Variants in GRIN2B observed in about 807,000 individuals in gnomAD.
The protein encoded by GRIN2B is glutamate ionotropic receptor NMDA type subunit 2B.
A neutral mutation model predicts 114.5 loss-of-function variants in GRIN2B; 5 were observed. That is an observed-to-expected ratio of 0.04 (90% CI 0.02 to 0.09). The LOEUF (loss-of-function observed/expected upper bound fraction) is 0.09. Among genes scored for constraint, GRIN2B ranks in the 10% least tolerant of loss-of-function variants. The probability of loss-of-function intolerance (pLI) is 1.00; values close to 1 mark genes in which losing one functional copy is unlikely to be tolerated. For missense variants in GRIN2B, 1,108 were observed against 1,943.5 expected, an observed-to-expected ratio of 0.57 and a Z score of 8.08; for synonymous variants, 787 against 745.1, an observed-to-expected ratio of 1.06 and a Z score of -0.92.
At chr12:13,951,126 A>C (rs1867471041) in intron 2 of GRIN2B, among the ~76,000 whole-genome samples, 2 of 152,310 alleles carry the variant, frequency 1.3e-5, no homozygotes, top group Admixed American at 6.5e-5. Context: ...GATAAATATC[A>C]AATACTTTTA....
chr12:13,642,737 A>C (rs1360276617), intron 5 of GRIN2B, among the ~76,000 whole-genome samples: 1 of 152,132 alleles, frequency 6.6e-6, no homozygotes, highest in Non-Finnish European at 1.5e-5. Flanking sequence ...AGATACTCTG[A>C]TAACTGTTAT....
intron 2 of GRIN2B, among the ~76,000 whole-genome samples, chr12:13,935,583 G>T (rs1056011866): frequency 1.3e-5 from 2 of 152,140 alleles, no homozygotes; most frequent in African/African-American, 4.8e-5. Context: ...GAGTTACTTA[G>T]CCCCTTATGC....
At chr12:13,803,299 T>C (rs1390127141) in intron 3 of GRIN2B, among the ~76,000 whole-genome samples, 2 of 152,062 alleles carry the variant, frequency 1.3e-5, no homozygotes, top group Non-Finnish European at 2.9e-5. Context: ...GGGAGGTTGG[T>C]TCCCCTAACC....
At chr12:13,941,622 A>T (rs991768784) in intron 2 of GRIN2B, among the ~76,000 whole-genome samples, 1 of 152,186 alleles carries the variant, frequency 6.6e-6, no homozygotes, top group Admixed American at 6.5e-5. Context: ...GCTGAGGTAG[A>T]TCGGCATAAA....
In GRIN2B at chr12:13,938,632, G is replaced by A. The variant is rs542174376; in HGVS notation, c.-19+41296C>T. On this transcript the variant is annotated intron_variant, in intron 2 of 13. Coordinates refer to ENST00000609686, the MANE Select transcript of GRIN2B (RefSeq NM_000834.5). ...TAAGCAAAAAAAGCTAGATTCAAAAGATTACATAGTGTGTAATTCCATTTA... is the reference window on the plus strand; with the variant it reads ...TAAGCAAAAAAAGCTAGATTCAAAAAATTACATAGTGTGTAATTCCATTTA... Among the ~76,000 whole-genome samples, 8 of 152,308 alleles carry A rather than the reference G, an allele frequency of 5.3e-5. No individual in the cohort carries two copies. The South Asian group carries it at 1.4e-3, about 28-fold the overall frequency.
intron 3 of GRIN2B, among the ~76,000 whole-genome samples, chr12:13,804,178 GAT>G: frequency 6.8e-6 from 1 of 147,250 alleles, no homozygotes; most frequent in African/African-American, 2.5e-5. Context: ...TTGTTAGTGA[GAT>G]ATTATTTTTA....
At chr12:13,602,453 T>C (rs965475164) in intron 10 of GRIN2B, among the ~76,000 whole-genome samples, 1 of 152,142 alleles carries the variant, frequency 6.6e-6, no homozygotes, top group Non-Finnish European at 1.5e-5. Context: ...GGGCTGGAGG[T>C]TGGCTGTCTC....
At chr12:13,757,526 T>C (rs984320777) in intron 3 of GRIN2B, among the ~76,000 whole-genome samples, 1 of 152,150 alleles carries the variant, frequency 6.6e-6, no homozygotes, top group East Asian at 1.9e-4. Flanking sequence ...ATTCTGTTTG[T>C]AGCTCACTAT....
chr12:13,777,904 G>A (rs935497242), intron 3 of GRIN2B, among the ~76,000 whole-genome samples: 4 of 152,102 alleles, frequency 2.6e-5, no homozygotes, highest in African/African-American at 9.7e-5. Flanking sequence ...CTTTTTCTCA[G>A]TCTCTTTCCA....
chr12:13,638,744 G>A (rs1949686802), intron 5 of GRIN2B, among the ~76,000 whole-genome samples: 1 of 152,032 alleles, frequency 6.6e-6, no homozygotes. Flanking sequence ...AATAAGGTTG[G>A]CGGAAGCTTC....
At chr12:13,808,741 A>C (rs1183183668) in intron 3 of GRIN2B, among the ~76,000 whole-genome samples, 1 of 25,100 alleles carries the variant, frequency 4.0e-5, no homozygotes, top group East Asian at 1.7e-3. Context: ...CTTAAAGTAT[A>C]ATAAAAAAAA....
At position 13,571,980 on chromosome 12, in the gene GRIN2B, C is replaced by A. The variant is rs200778490; in HGVS notation, c.2011-16G>T. 6.2e-7 allele frequency: 1 copy of A among 1,600,024 alleles called. No homozygotes were observed. The highest frequency in any genetic ancestry group is 1.3e-5 in the African/African-American group (1 of 74,720). On this transcript the variant is annotated splice_polypyrimidine_tract_variant and intron_variant, in intron 10 of 13. Coordinates refer to ENST00000609686, the MANE Select transcript of GRIN2B (RefSeq NM_000834.5). ...GTCTCTGGAACTGGAGAGAGAAAGA[C>A]AGATAGAGACAGAGCGGGAGATGGA...
At chr12:13,951,451 G>A (rs2136848618) in intron 2 of GRIN2B, among the ~76,000 whole-genome samples, 1 of 152,272 alleles carries the variant, frequency 6.6e-6, no homozygotes, top group South Asian at 2.1e-4. Context: ...ATGTAAGGGT[G>A]AAGAAGTCCC....
At chr12:13,899,221 C>T (rs1408002676) in intron 2 of GRIN2B, among the ~76,000 whole-genome samples, 1 of 151,948 alleles carries the variant, frequency 6.6e-6, no homozygotes, top group Admixed American at 6.6e-5. Flanking sequence ...TGCAAAGCCC[C>T]CTATTGTTTT....
chr12:13,848,014 C>G (rs1172079223), intron 3 of GRIN2B, among the ~76,000 whole-genome samples: 1 of 152,094 alleles, frequency 6.6e-6, no homozygotes, highest in African/African-American at 2.4e-5. Flanking sequence ...TGGACAGTCC[C>G]CTGCTCAGCT....
intron 3 of GRIN2B, among the ~76,000 whole-genome samples, chr12:13,852,342 C>T (rs1238477025): frequency 1.3e-5 from 2 of 152,166 alleles, no homozygotes; most frequent in Non-Finnish European, 2.9e-5. Flanking sequence ...GACACTAGTG[C>T]ATGGAAACTC....
chr12:13,981,746 G>C (rs1863142333), upstream of GRIN2B, among the ~76,000 whole-genome samples: 1 of 151,714 alleles, frequency 6.6e-6, no homozygotes, highest in South Asian at 2.1e-4. Context: ...TCAACCGCGC[G>C]GCAGCCGGAG....
intron 2 of GRIN2B, among the ~76,000 whole-genome samples, chr12:13,901,748 T>C (rs894572394): frequency 2.0e-5 from 3 of 152,116 alleles, no homozygotes; most frequent in African/African-American, 7.2e-5. Context: ...TAGTTGAATT[T>C]ATCAATCTCA....
chr12:13,867,885 T>A (rs1865851508), intron 2 of GRIN2B, among the ~76,000 whole-genome samples: 1 of 143,956 alleles, frequency 6.9e-6, no homozygotes, highest in Admixed American at 6.9e-5. Flanking sequence ...TCAGATCTCC[T>A]GCTTGTTTCA....
Sources: allele counts gnomAD v4.1 joint callset (sites outside exome capture counted in the v4.1 genomes callset), GRCh38; gene constraint gnomAD v4.1.1; transcripts MANE v1.5; gene names NCBI Gene and HGNC (gene_info 2026-07-23, HGNC 2026-07-21).